SEMA6D: variants seen among roughly 807,000 people sequenced by gnomAD.
SEMA6D encodes the protein semaphorin-6D.
SEMA6D carries 35 observed loss-of-function variants against 106.6 expected under a neutral mutation model. The ratio of observed to expected loss-of-function variants is 0.33; its 90% CI spans 0.25 to 0.44. The LOEUF (loss-of-function observed/expected upper bound fraction) is 0.44, where lower values mean the gene tolerates loss of function less well. Ranked by LOEUF, SEMA6D falls within the 20% of genes least tolerant of loss-of-function variation. SEMA6D has a pLI of 1.00. For synonymous variants in SEMA6D, 499 were observed against 487.7 expected, an observed-to-expected ratio of 1.02 and a Z score of -0.31; for missense variants, 1,185 against 1,345.9, an observed-to-expected ratio of 0.88 and a Z score of 1.87.
chr15:47,726,478 C>G (rs929813789), intron 1 of SEMA6D, among the ~76,000 whole-genome samples: 5 of 152,234 alleles, frequency 3.3e-5, no homozygotes, highest in African/African-American at 1.2e-4. Context: ...GGTCAAACAG[C>G]TAGTGACTAG....
intron 1 of SEMA6D, chr15:47,241,322 G>A (rs555340346): frequency 1.6e-4 from 24 of 152,236 alleles, no homozygotes; most frequent in Non-Finnish European, 2.4e-4. Context: ...AGAAACGACC[G>A]AAATCAAAAG....
At chr15:47,481,546 C>T (rs558552022) in intron 3 of SEMA6D, among the ~76,000 whole-genome samples, 11 of 152,242 alleles carry the variant, frequency 7.2e-5, no homozygotes, top group African/African-American at 2.6e-4. Flanking sequence ...TTGATGGATA[C>T]AAGACTGTTT....
intron 1 of SEMA6D, among the ~76,000 whole-genome samples, chr15:47,236,819 A>C (rs919567956): frequency 3.3e-5 from 5 of 152,216 alleles, no homozygotes; most frequent in African/African-American, 1.2e-4. Context: ...TTATGAAGCA[A>C]CTTGGGCAAA....
intron 3 of SEMA6D, among the ~76,000 whole-genome samples, chr15:47,487,724 A>G (rs965549434): frequency 6.6e-6 from 1 of 152,154 alleles, no homozygotes; most frequent in Non-Finnish European, 1.5e-5. Context: ...GCTTGTCTCT[A>G]ATTTTAGGTT....
rs190937947 is a variant in SEMA6D, at chr15:47,569,838, A to G, written c.-86-31027A>G. Among the ~76,000 whole-genome samples the G allele has an allele frequency of 7.0e-3, 1,061 of 152,250 alleles. 10 individuals are homozygous for G. Among genetic ancestry groups the G allele is most frequent in the African/African-American group, 0.025 (1,020 of 41,532 alleles). On this transcript the variant is annotated intron_variant, in intron 3 of 19. Transcript: ENST00000558014. ...TACTTTGGGAGAACAAGGCGGGTGG[A>G]TCACCTGAGGTCAGGAGTTCAAGAC...
chr15:47,345,302 A>G (rs562981862), intron 1 of SEMA6D, among the ~76,000 whole-genome samples: 4 of 152,198 alleles, frequency 2.6e-5, no homozygotes, highest in African/African-American at 9.6e-5. Flanking sequence ...ACCAACACTA[A>G]CAGATTGTAA....
intron 1 of SEMA6D, among the ~76,000 whole-genome samples, chr15:47,750,565 C>T (rs2081372965): frequency 6.6e-6 from 1 of 152,180 alleles, no homozygotes; most frequent in Non-Finnish European, 1.5e-5. Context: ...TCAGGCCCTT[C>T]CTTGCTCCTT....
Position 47,215,579 on chromosome 15 carries a change from A to G in SEMA6D, c.-239+31161A>G, listed in dbSNP as rs147061971. ...ATTCTGTTAATACAGGAATTCATTC[A>G]TAGCTACATCTGATATATATGAGAC... On this transcript the variant is annotated intron_variant, in intron 1 of 19. Coordinates refer to the SEMA6D transcript ENST00000558014. Among the ~76,000 whole-genome samples, 202 of 152,312 alleles carry G rather than the reference A, an allele frequency of 1.3e-3. 1 individual carries two copies. Among genetic ancestry groups the G allele is most frequent in the African/African-American group, 4.7e-3 (196 of 41,582 alleles).
intron 3 of SEMA6D, among the ~76,000 whole-genome samples, chr15:47,488,257 C>A (rs897814345): frequency 6.6e-6 from 1 of 152,088 alleles, no homozygotes; most frequent in African/African-American, 2.4e-5. Flanking sequence ...TCATTACTTG[C>A]CTGCCCTTCT....
chr15:47,735,685 A>G (rs1157386370), intron 1 of SEMA6D, among the ~76,000 whole-genome samples: 3 of 152,226 alleles, frequency 2.0e-5, no homozygotes, highest in Non-Finnish European at 4.4e-5. Context: ...TGTGATGCTC[A>G]GAGTGTCTCT....
At chr15:47,348,727 C>CCACACAG (rs1555425939) in intron 1 of SEMA6D, among the ~76,000 whole-genome samples, 14 of 57,120 alleles carry the variant, frequency 2.5e-4, no homozygotes, top group African/African-American at 6.4e-4. Context: ...ACCACACACA[C>CCACACAG]AGAGAGAGAG....
intron 1 of SEMA6D, among the ~76,000 whole-genome samples, chr15:47,188,579 G>A (rs1893732310): frequency 6.6e-6 from 1 of 152,122 alleles, no homozygotes. Flanking sequence ...AAAGCTCAGA[G>A]CCCATGGGAG....
At chr15:47,186,937 A>G (rs1455390321) in intron 1 of SEMA6D, among the ~76,000 whole-genome samples, 6 of 152,318 alleles carry the variant, frequency 3.9e-5, no homozygotes, top group East Asian at 1.9e-4. Flanking sequence ...CAAGATAATT[A>G]TATCATTGAA....
intron 1 of SEMA6D, among the ~76,000 whole-genome samples, chr15:47,361,669 G>A (rs748279373): frequency 1.3e-5 from 2 of 152,134 alleles, no homozygotes; most frequent in Non-Finnish European, 2.9e-5. Context: ...TGCTCAGTGC[G>A]CATTTGAGGA....
chr15:47,573,427 A>C (rs1429619036), intron 3 of SEMA6D, among the ~76,000 whole-genome samples: 1 of 152,232 alleles, frequency 6.6e-6, no homozygotes, highest in African/African-American at 2.4e-5. Context: ...TTACATGACA[A>C]ACTTCCGTTG....
intron 1 of SEMA6D, among the ~76,000 whole-genome samples, chr15:47,748,042 G>A (rs2081241128): frequency 6.6e-6 from 1 of 152,218 alleles, no homozygotes; most frequent in African/African-American, 2.4e-5. Context: ...GTGGAGATGG[G>A]GAGGTTGACA....
chr15:47,203,000 C>T (rs1359943782), intron 1 of SEMA6D, among the ~76,000 whole-genome samples: 1 of 152,064 alleles, frequency 6.6e-6, no homozygotes, highest in African/African-American at 2.4e-5. Flanking sequence ...ACAAAGAAGG[C>T]AAAATATTTA....
intron 1 of SEMA6D, among the ~76,000 whole-genome samples, chr15:47,364,349 A>G (rs2038928994): frequency 6.6e-6 from 1 of 152,186 alleles, no homozygotes. Flanking sequence ...CGCAGCTTCA[A>G]AATGACCAAG....
At chr15:47,560,865 G>A (rs1848429678) in intron 3 of SEMA6D, among the ~76,000 whole-genome samples, 1 of 151,990 alleles carries the variant, frequency 6.6e-6, no homozygotes, top group Non-Finnish European at 1.5e-5. Flanking sequence ...AGAAGGCAAA[G>A]ATTGCCTCGG....
Sources: allele counts gnomAD v4.1 joint callset (sites outside exome capture counted in the v4.1 genomes callset), GRCh38; gene constraint gnomAD v4.1.1; transcripts MANE v1.5; gene names NCBI Gene and HGNC (gene_info 2026-07-23, HGNC 2026-07-21).